The following MYO5A variants were observed in gnomAD, a reference collection of about 807,000 sequenced individuals.
MYO5A encodes the protein myosin VA, also known as unconventional myosin-Va.
In MYO5A, 98 loss-of-function variants were observed where a neutral mutation model predicts 249.7. That is an observed-to-expected ratio of 0.39 (90% CI 0.33 to 0.46). The LOEUF (loss-of-function observed/expected upper bound fraction) is 0.46, where lower values mean the gene tolerates loss of function less well. MYO5A is among the 20% of genes least tolerant of loss of function. The probability of loss-of-function intolerance (pLI) is 0.98; values close to 1 mark genes in which losing one functional copy is unlikely to be tolerated. For synonymous variants in MYO5A, 778 were observed against 810.6 expected (o/e 0.96, Z 0.68); for missense variants, 1,696 against 2,308.8 (o/e 0.73, Z 5.44).
intron 1 of MYO5A, among the ~76,000 whole-genome samples, chr15:52,440,832 C>T (rs1595689330): frequency 6.6e-6 from 1 of 152,218 alleles, no homozygotes; most frequent in Non-Finnish European, 1.5e-5. Context: ...CCCTAACTCC[C>T]ATATACATTA....
chr15:52,417,979 A>C (rs2043592179), intron 4 of MYO5A, among the ~76,000 whole-genome samples: 1 of 152,214 alleles, frequency 6.6e-6, no homozygotes, highest in Non-Finnish European at 1.5e-5. Flanking sequence ...GGGCCGTAAG[A>C]GGAAGAAGAG....
chr15:52,337,347 G>A lies in MYO5A; in HGVS notation c.4314+463C>T, dbSNP rs76862343. Reference sequence around the variant, plus strand: ...GGTTAAAAACTCAATCAAAAAGAAAGTGGACAACAGTAGGCTCAGTAACAG... The same window carrying A: ...GGTTAAAAACTCAATCAAAAAGAAAATGGACAACAGTAGGCTCAGTAACAG... On this transcript the variant is annotated intron_variant, in intron 33 of 41. Coordinates refer to ENST00000399233, the MANE Select transcript of MYO5A (RefSeq NM_001382347.1). Among the ~76,000 whole-genome samples, 329 of 152,294 alleles carry A rather than the reference G, an allele frequency of 2.2e-3. 1 individual carries two copies. The highest frequency in any genetic ancestry group is 7.6e-3 in the African/African-American group (314 of 41,560).
At chr15:52,394,291 T>G (rs779426658) in intron 11 of MYO5A, among the ~76,000 whole-genome samples, 4 of 152,100 alleles carry the variant, frequency 2.6e-5, no homozygotes, top group Non-Finnish European at 5.9e-5. Context: ...GATGAAAAAA[T>G]GAACAGTGTT....
chr15:52,364,807 T>A, intron 23 of MYO5A, 105 bp from the exon 24 acceptor site: 1 of 1,325,798 alleles, frequency 7.5e-7, no homozygotes, highest in Non-Finnish European at 1.1e-6. Flanking sequence ...ATTTTACTTT[T>A]AGTATCACTG....
At chr15:52,526,180 TA>T (rs1024163810) in intron 1 of MYO5A, among the ~76,000 whole-genome samples, 6 of 152,086 alleles carry the variant, frequency 3.9e-5, no homozygotes, top group East Asian at 1.9e-4. Flanking sequence ...ACAAAGAGGT[TA>T]AAAAAAATTT....
At chr15:52,462,674 C>A (rs1441220194) in intron 1 of MYO5A, among the ~76,000 whole-genome samples, 1 of 151,922 alleles carries the variant, frequency 6.6e-6, no homozygotes, top group South Asian at 2.1e-4. Context: ...ATGGTGAAAC[C>A]CCATCTCTAC....
chr15:52,443,429 T>C (rs1344456750), intron 1 of MYO5A, among the ~76,000 whole-genome samples: 1 of 152,214 alleles, frequency 6.6e-6, no homozygotes, highest in African/African-American at 2.4e-5. Flanking sequence ...TTGCATATAC[T>C]GTGAAATGTA....
chr15:52,484,555 A>G (rs144692945), intron 1 of MYO5A, among the ~76,000 whole-genome samples: 26 of 152,304 alleles, frequency 1.7e-4, no homozygotes, highest in African/African-American at 6.0e-4. Flanking sequence ...GAAATGCCAT[A>G]TATGTTCCTG....
intron 4 of MYO5A, among the ~76,000 whole-genome samples, chr15:52,421,171 G>A (rs1045518027): frequency 1.3e-5 from 2 of 152,162 alleles, no homozygotes; most frequent in Admixed American, 6.5e-5. Flanking sequence ...TCACAGGGCA[G>A]CTGAGTTTCA....
At chr15:52,502,723 C>A (rs2077184530) in intron 1 of MYO5A, among the ~76,000 whole-genome samples, 1 of 152,238 alleles carries the variant, frequency 6.6e-6, no homozygotes, top group African/African-American at 2.4e-5. Context: ...TCAATTCTCT[C>A]ATTGTGCCAT....
chr15:52,442,989 G>C (rs971912299), intron 1 of MYO5A, among the ~76,000 whole-genome samples: 12 of 152,184 alleles, frequency 7.9e-5, no homozygotes, highest in East Asian at 1.9e-4. Context: ...CTGACCTTGT[G>C]ATCCGCCTGC....
rs754003506 is a variant in MYO5A at position 52,360,055 on chromosome 15, T to C, written c.3336A>G (p.Arg1112=). ...MVHVPKPGHK[R]TDSTHSSNES... ...CGTTGCTGCTGTGGGTGGAGTCTGTTCTCTTGTGTCCAGGCTTAGGCACAT... is the reference window on the plus strand; with the variant it reads ...CGTTGCTGCTGTGGGTGGAGTCTGTCCTCTTGTGTCCAGGCTTAGGCACAT... Residue 1112 remains arginine, a synonymous_variant, in exon 25 of 42, where the codon AGA becomes AGG. Transcript: ENST00000399233. 31 of 1,613,488 alleles carry C rather than the reference T, an allele frequency of 1.9e-5. No homozygotes were observed. The South Asian group carries it at 3.4e-4, about 18-fold the overall frequency.
chr15:52,512,185 T>C (rs1330102491), intron 1 of MYO5A, among the ~76,000 whole-genome samples: 3 of 151,114 alleles, frequency 2.0e-5, no homozygotes, highest in South Asian at 2.1e-4. Context: ...AAAATTGATA[T>C]CATAATTCAC....
chr15:52,344,185 G>T (rs912948048), intron 30 of MYO5A, among the ~76,000 whole-genome samples: 3 of 152,092 alleles, frequency 2.0e-5, no homozygotes, highest in African/African-American at 2.4e-5. Flanking sequence ...TATCTCTCTA[G>T]AGAATTCACC....
At chr15:52,321,918 C>A (rs2038343797) in intron 37 of MYO5A, among the ~76,000 whole-genome samples, 1 of 151,720 alleles carries the variant, frequency 6.6e-6, no homozygotes, top group African/African-American at 2.4e-5. Context: ...TTAAAAACTA[C>A]ACCCAAAGGA....
At chr15:52,348,770 T>C (rs752070885) in intron 29 of MYO5A, 48 bp downstream of exon 29, 5 of 1,412,986 alleles carry the variant, frequency 3.5e-6, no homozygotes, top group Admixed American at 2.2e-5. Flanking sequence ...AAACTAAAGT[T>C]AGGATTAAAT....
chr15:52,436,727 G>A (rs1319264257), intron 1 of MYO5A, among the ~76,000 whole-genome samples: 14 of 152,170 alleles, frequency 9.2e-5, no homozygotes, highest in African/African-American at 2.7e-4. Context: ...AGAACTTATC[G>A]AAAGAAGATC....
chr15:52,370,480 A>T, intron 21 of MYO5A, 63 bp from the exon 22 acceptor site: 1 of 1,507,074 alleles, frequency 6.6e-7, no homozygotes, highest in South Asian at 1.1e-5. Flanking sequence ...ATTTAGTAAG[A>T]AAACCATGTT....
intron 1 of MYO5A, among the ~76,000 whole-genome samples, chr15:52,461,660 C>G (rs1406939762): frequency 6.6e-6 from 1 of 152,128 alleles, no homozygotes; most frequent in Admixed American, 6.6e-5. Flanking sequence ...TCAGCAGAAA[C>G]CCCATAAAAA....
Sources: gnomAD v4.1 joint callset for allele counts (sites outside exome capture counted in the v4.1 genomes callset) on GRCh38, gnomAD v4.1.1 for gene constraint, MANE v1.5 for transcripts, NCBI Gene and HGNC (gene_info 2026-07-23, HGNC 2026-07-21) for gene names.